PIEZO2: variants seen among roughly 807,000 people sequenced by gnomAD.
The protein encoded by PIEZO2 is piezo type mechanosensitive ion channel component 2, also known as piezo-type mechanosensitive ion channel component 2.
Under a neutral mutation model 337.3 loss-of-function variants are expected in PIEZO2, and 172 were observed. The observed-to-expected ratio is 0.51, with a 90% CI of 0.45 to 0.58. The LOEUF (loss-of-function observed/expected upper bound fraction) is 0.58, where lower values mean the gene tolerates loss of function less well. Ranked by LOEUF, PIEZO2 falls within the 20% of genes least tolerant of loss-of-function variation. PIEZO2 has a pLI of 0.00. For missense variants in PIEZO2, 3,028 were observed against 3,391.3 expected (o/e 0.89, Z 2.66); for synonymous variants, 1,251 against 1,228.5 (o/e 1.02, Z -0.38).
chr18:11,052,648 T>C (rs114306448), intron 2 of PIEZO2, among the ~76,000 whole-genome samples: 1,720 of 152,296 alleles, frequency 0.011, 28 homozygotes, highest in African/African-American at 0.038. Flanking sequence ...ATCTAATATG[T>C]TTGAGAGGTG....
In PIEZO2 at chr18:10,821,096, C is replaced by T. The variant is rs1468359559; in HGVS notation, c.918-13822G>A. ...TCTCTGGAGCTCTTTCTCTGTCTTT[C>T]TCCTCTCCATTACTCTGTGCCACAA... On this transcript the variant is annotated intron_variant, in intron 7 of 55. Coordinates refer to ENST00000674853, the MANE Select transcript of PIEZO2 (RefSeq NM_001378183.1). The surrounding 1 kb of genome is among the most constrained non-coding windows in gnomAD (Gnocchi z 4.2). 3.3e-5 allele frequency among the ~76,000 whole-genome samples: 5 copies of T among 152,062 alleles called. No homozygotes were observed. Among genetic ancestry groups the T allele is most frequent in the Non-Finnish European group, 1.5e-5 (1 of 68,010 alleles).
Position 10,870,624 on chromosome 18 carries a change from G to A in PIEZO2, c.492+629C>T, listed in dbSNP as rs903784035. On this transcript the variant is annotated intron_variant, in intron 5 of 55. Transcript: ENST00000674853. The surrounding 1 kb of genome is among the most constrained non-coding windows in gnomAD (Gnocchi z 5.3). ...TCTGACAGCTCTGATACCCAAGGAC[G>A]AAAATAGGACAAGCTTCCAATTCAG... is the stretch of plus-strand genomic sequence containing the variant. Among the ~76,000 whole-genome samples the A allele has an allele frequency of 2.0e-5, 3 of 151,514 alleles. No homozygotes were observed. The highest frequency in any genetic ancestry group is 4.4e-5 in the Non-Finnish European group (3 of 67,552).
At position 11,021,134 on chromosome 18, in the gene PIEZO2, T is replaced by C. The variant is rs2036294140; in HGVS notation, c.161-41474A>G. 6.6e-6 allele frequency among the ~76,000 whole-genome samples: 1 copy of C among 152,154 alleles called. No individual in the cohort carries two copies. Among genetic ancestry groups the C allele is most frequent in the African/African-American group, 2.4e-5 (1 of 41,436 alleles). ...TCACAGGCCTGGACTATGATTCTCT[T>C]CCGTTACATCATGAAAGAAACTCTA... is the stretch of plus-strand genomic sequence containing the variant. On this transcript the variant is annotated intron_variant, in intron 2 of 55. Transcript: ENST00000674853. The surrounding 1 kb of genome is among the most constrained non-coding windows in gnomAD (Gnocchi z 4.7).
At chr18:10,919,883 G>GT (rs2031273747) in intron 3 of PIEZO2, among the ~76,000 whole-genome samples, 1 of 151,946 alleles carries the variant, frequency 6.6e-6, no homozygotes, top group Non-Finnish European at 1.5e-5. Flanking sequence ...AGTAAGTTGA[G>GT]TTACTAGTAA....
In PIEZO2 at chr18:10,759,877, G is replaced by T. The variant is rs894272561; in HGVS notation, c.3483C>A (p.Gly1161=). 6 of 1,537,384 alleles carry T rather than the reference G, an allele frequency of 3.9e-6. No homozygotes were observed. Among genetic ancestry groups the T allele is most frequent in the Non-Finnish European group, 5.2e-6 (6 of 1,146,948 alleles). The change falls in exon 25 of 56, where the codon GGC becomes GGA. Residue 1161 remains glycine, a synonymous_variant. Transcript: ENST00000674853. The surrounding 1 kb of genome is among the most constrained non-coding windows in gnomAD (Gnocchi z 5.5). The stretch of plus-strand genomic sequence containing the variant: ...TCATGGCATAGAAATCCATTCGCTG[G>T]CCAATGACGTTAACTGACATTAGGA... ...TCFLMSVNVI[G]QRMDFYAMIH...
chr18:11,122,862 C>T (rs547614465), intron 1 of PIEZO2, among the ~76,000 whole-genome samples: 1 of 151,778 alleles, frequency 6.6e-6, no homozygotes, highest in Non-Finnish European at 1.5e-5. Flanking sequence ...TTATCATTTA[C>T]TTCCCTGAGA....
chr18:11,061,105 G>A (rs1251434790), intron 2 of PIEZO2, among the ~76,000 whole-genome samples: 2 of 152,116 alleles, frequency 1.3e-5, no homozygotes, highest in East Asian at 1.9e-4. Context: ...TTCAACATAC[G>A]AAAATCAATA....
intron 7 of PIEZO2, among the ~76,000 whole-genome samples, chr18:10,844,422 G>GATAAAATAAAATAAAATAAA (rs11268090): frequency 0.01 from 1,491 of 144,372 alleles, 26 homozygotes; most frequent in African/African-American, 0.025. Flanking sequence ...TGTCTCAAAA[G>GATAAAATAAAATAAAATAAA]ATAAAATAAA....
intron 4 of PIEZO2, among the ~76,000 whole-genome samples, chr18:10,897,857 A>G (rs765905263): frequency 6.6e-5 from 10 of 152,208 alleles, no homozygotes; most frequent in Admixed American, 6.5e-5. Flanking sequence ...ACATATTTCT[A>G]AAGTACGCTT....
chr18:10,985,315 C>T (rs1336463193), intron 2 of PIEZO2, among the ~76,000 whole-genome samples: 1 of 151,942 alleles, frequency 6.6e-6, no homozygotes, highest in Non-Finnish European at 1.5e-5. Flanking sequence ...AATTGTGACT[C>T]TAATAAGAAA....
intron 7 of PIEZO2, among the ~76,000 whole-genome samples, chr18:10,849,909 G>T (rs962320000): frequency 1.3e-5 from 2 of 152,206 alleles, no homozygotes; most frequent in African/African-American, 4.8e-5. Context: ...ACTGGTCTTA[G>T]ATTTAGTTAT....
chr18:11,082,940 T>C (rs1479175640), intron 1 of PIEZO2, among the ~76,000 whole-genome samples: 2 of 152,220 alleles, frequency 1.3e-5, no homozygotes, highest in East Asian at 1.9e-4. Context: ...ATTAAACACA[T>C]AGGATGCAGG....
chr18:10,947,405 G>T (rs190219663), intron 3 of PIEZO2, among the ~76,000 whole-genome samples: 1 of 152,156 alleles, frequency 6.6e-6, no homozygotes, highest in Admixed American at 6.5e-5. Flanking sequence ...TGTAAATTTT[G>T]TGTCTTATAA....
rs2039524186 is a variant in PIEZO2, at chr18:11,105,145, C to T, written c.65-38923G>A. Reference sequence around the variant, plus strand: ...GAGAAGGGGAGTGAGGTTTGGGTCCCAGGCCTTGCCATGATGGAGGAAGTA... The same window carrying T: ...GAGAAGGGGAGTGAGGTTTGGGTCCTAGGCCTTGCCATGATGGAGGAAGTA... On this transcript the variant is annotated intron_variant, in intron 1 of 55. Coordinates refer to ENST00000674853, the MANE Select transcript of PIEZO2 (RefSeq NM_001378183.1). The surrounding 1 kb of genome is among the most constrained non-coding windows in gnomAD (Gnocchi z 4.3). Among the ~76,000 whole-genome samples the T allele has an allele frequency of 6.6e-6, 1 of 152,156 alleles. No individual in the cohort carries two copies. Among genetic ancestry groups the T allele is most frequent in the Admixed American group, 6.5e-5 (1 of 15,278 alleles).
intron 1 of PIEZO2, among the ~76,000 whole-genome samples, chr18:11,100,897 C>T (rs1416086121): frequency 6.6e-6 from 1 of 152,076 alleles, no homozygotes; most frequent in Non-Finnish European, 1.5e-5. Context: ...GCCTGGCCCA[C>T]ATTTTCACTT....
At position 10,856,877 on chromosome 18, in the gene PIEZO2, A is replaced by T; in HGVS notation, c.703+124T>A. 1.1e-6 allele frequency: 1 copy of T among 901,618 alleles called. No individual in the cohort carries two copies. The highest frequency in any genetic ancestry group is 1.7e-6 in the Non-Finnish European group (1 of 597,836). The allele number at this position is 901,618 out of a possible 1,614,324, so 55.9% of individuals were successfully genotyped here. A position where few individuals can be genotyped will look rare whatever the true frequency, so the allele number is the denominator to read the frequency against. On this transcript the variant is annotated intron_variant, in intron 6 of 55. Transcript: ENST00000674853. This position sits in a 1 kb window ranked among gnomAD's most constrained non-coding sequence, Gnocchi z 4.7. ...ACATGTGGCCAGTTTTACAAGAGCTACAGTTATGATATTCATGTGGTGGAA... is the reference window on the plus strand; with the variant it reads ...ACATGTGGCCAGTTTTACAAGAGCTTCAGTTATGATATTCATGTGGTGGAA...
intron 44 of PIEZO2, among the ~76,000 whole-genome samples, chr18:10,698,128 G>T (rs958425596): frequency 1.3e-5 from 2 of 152,202 alleles, no homozygotes; most frequent in Non-Finnish European, 2.9e-5. Context: ...AAATAAACTG[G>T]AAGGATAGTT....
intron 7 of PIEZO2, among the ~76,000 whole-genome samples, chr18:10,822,949 G>T (rs1598535365): frequency 6.6e-6 from 1 of 152,170 alleles, no homozygotes; most frequent in African/African-American, 2.4e-5. Context: ...TGAAGTCTGT[G>T]AACTTCTTAG....
chr18:10,923,478 G>T (rs264273), intron 3 of PIEZO2, among the ~76,000 whole-genome samples: 1 of 151,826 alleles, frequency 6.6e-6, no homozygotes, highest in Non-Finnish European at 1.5e-5. Context: ...ACTGTGGTCC[G>T]GTGCAGCAGA....
Sources: gnomAD v4.1 joint callset for allele counts (sites outside exome capture counted in the v4.1 genomes callset) on GRCh38, gnomAD v4.1.1 for gene constraint, Gnocchi (gnomAD v3.1) non-coding constraint, MANE v1.5 for transcripts, NCBI Gene and HGNC (gene_info 2026-07-23, HGNC 2026-07-21) for gene names.